The following ALDH3A2 variants were observed in gnomAD, a reference collection of about 807,000 sequenced individuals.
The protein encoded by ALDH3A2 is aldehyde dehydrogenase family 3 member A2.
ALDH3A2 carries 36 observed loss-of-function variants against 51.3 expected under a neutral mutation model. The ratio of observed to expected loss-of-function variants is 0.70; its 90% CI spans 0.54 to 0.93. The LOEUF is 0.93. Among genes scored for constraint, ALDH3A2 ranks in the 40% least tolerant of loss-of-function variants. The probability of loss-of-function intolerance (pLI) is 0.00; values close to 1 mark genes in which losing one functional copy is unlikely to be tolerated. For missense variants in ALDH3A2, 552 were observed against 603.1 expected (o/e 0.92, Z 0.89); for synonymous variants, 199 against 219.8 (o/e 0.91, Z 0.84).
At position 19,652,620 on chromosome 17, in the gene ALDH3A2, G is replaced by T; in HGVS notation, c.459G>T (p.Gln153His). The change falls in exon 3 of 10, where the codon CAG becomes CAT. Residue 153 changes from glutamine to histidine, a missense_variant. Transcript: ENST00000176643. ...TAKILAKLLP[Q>H]YLDQDLYIVI... ...AGATCTTGGCAAAGCTTCTCCCTCA[G>T]TATTTAGACCAGGTAAGAATTTCTT... 6.2e-7 allele frequency: 1 copy of T among 1,612,966 alleles called. No homozygotes were observed.
Position 19,654,797 on chromosome 17 carries a change from C to T in ALDH3A2, c.472-1569C>T, listed in dbSNP as rs558166123. ...GCTGTGGGCTGAAGGGCTCCTCAAGCGTGGCGAGAGTGGGTGCCAAGGCCA... is the reference window on the plus strand; with the variant it reads ...GCTGTGGGCTGAAGGGCTCCTCAAGTGTGGCGAGAGTGGGTGCCAAGGCCA... On this transcript the variant is annotated intron_variant, in intron 3 of 9. Coordinates refer to ENST00000176643, the MANE Select transcript of ALDH3A2 (RefSeq NM_000382.3). This position sits in a 1 kb window ranked among gnomAD's most constrained non-coding sequence, Gnocchi z 4.5. Among the ~76,000 whole-genome samples the T allele has an allele frequency of 2.0e-5, 3 of 152,148 alleles. No individual in the cohort carries two copies. The highest frequency in any genetic ancestry group is 4.8e-5 in the African/African-American group (2 of 41,446).
intron 1 of ALDH3A2, among the ~76,000 whole-genome samples, chr17:19,651,211 A>G (rs1275819596): frequency 6.6e-6 from 1 of 152,228 alleles, no homozygotes; most frequent in Admixed American, 6.5e-5. Context: ...TGTTCAGAGC[A>G]GACCTTTATT....
At position 19,654,742 on chromosome 17, in the gene ALDH3A2, G is replaced by C. The variant is rs1164348930; in HGVS notation, c.472-1624G>C. On this transcript the variant is annotated intron_variant, in intron 3 of 9. Coordinates refer to ENST00000176643, the MANE Select transcript of ALDH3A2 (RefSeq NM_000382.3). This position sits in a 1 kb window ranked among gnomAD's most constrained non-coding sequence, Gnocchi z 4.5. Reference sequence around the variant, plus strand: ...GCAGAAGGAGCCGGCTCCAGCCTTGGCCAGCCCAGAGAGGGGCTCCCACAG... The same window carrying C: ...GCAGAAGGAGCCGGCTCCAGCCTTGCCCAGCCCAGAGAGGGGCTCCCACAG... 1.3e-5 allele frequency among the ~76,000 whole-genome samples: 2 copies of C among 152,028 alleles called. No homozygotes were observed. The highest frequency in any genetic ancestry group is 2.9e-5 in the Non-Finnish European group (2 of 67,994).
chr17:19,657,681 G>T (rs746412664), intron 4 of ALDH3A2, 64 bp from the exon 5 acceptor site: 1 of 1,200,188 alleles, frequency 8.3e-7, no homozygotes, highest in Non-Finnish European at 1.2e-6. Context: ...ACAACACAAT[G>T]TAACAAATGA....
chr17:19,669,003 A>C, intron 8 of ALDH3A2, among the ~76,000 whole-genome samples: 1 of 149,760 alleles, frequency 6.7e-6, no homozygotes. Flanking sequence ...CTTTCCATTT[A>C]ACCATGGAGT....
intron 1 of ALDH3A2, chr17:19,650,015 G>GA (rs1567596103): frequency 6.6e-6 from 1 of 152,490 alleles, no homozygotes; most frequent in Non-Finnish European, 1.5e-5. Context: ...GGGTTCAAGC[G>GA]ATTCTCTTGC....
Position 19,652,638 on chromosome 17 carries a change from A to T in ALDH3A2, c.471+6A>T, listed in dbSNP as rs918700042. 1 of 1,605,702 alleles carries T rather than the reference A, an allele frequency of 6.2e-7. No homozygotes were observed. The highest frequency in any genetic ancestry group is 1.7e-5 in the Admixed American group (1 of 60,016). On this transcript the variant is annotated splice_donor_region_variant and intron_variant, in intron 3 of 9. Transcript: ENST00000176643. ...TCCCTCAGTATTTAGACCAGGTAAGAATTTCTTGACTCATCTCCAACATAT... is the reference window on the plus strand; with the variant it reads ...TCCCTCAGTATTTAGACCAGGTAAGTATTTCTTGACTCATCTCCAACATAT...
chr17:19,669,769 G>A (rs975821950), intron 8 of ALDH3A2, among the ~76,000 whole-genome samples: 1 of 151,924 alleles, frequency 6.6e-6, no homozygotes, highest in Non-Finnish European at 1.5e-5. Context: ...TGAATAGCTG[G>A]GATTACAAGG....
In ALDH3A2 at chr17:19,653,674, C is replaced by T. The variant is rs567360712; in HGVS notation, c.471+1042C>T. On this transcript the variant is annotated intron_variant, in intron 3 of 9. Transcript: ENST00000176643. ...CTGCAGACCTTCGCAGTGAGTGTTA[C>T]AGCTCATAACGGCAGTGCGGACCCA... Among the ~76,000 whole-genome samples the T allele has an allele frequency of 8.9e-4, 135 of 152,306 alleles. 4 individuals carry two copies. In the South Asian group the frequency reaches 0.027, roughly 31 times the overall value.
At chr17:19,665,190 G>T in intron 8 of ALDH3A2, 143 bp downstream of exon 8, 1 of 759,646 alleles carries the variant, frequency 1.3e-6, no homozygotes, top group Non-Finnish European at 2.3e-6. Context: ...TGGTCACCCA[G>T]TTGACTGGTT....
chr17:19,663,261 G>GA, intron 6 of ALDH3A2, 72 bp from the exon 7 acceptor site: 2 of 1,550,744 alleles, frequency 1.3e-6, no homozygotes, highest in South Asian at 2.2e-5. Flanking sequence ...GTGACCCAAT[G>GA]AAAGAGATGT....
chr17:19,671,865 G>GA lies in ALDH3A2; in HGVS notation c.1356dup (p.Phe453IlefsTer52). ...AACAGCCAGTCAAAGGTGGATTGGG[G>GA]AAAATTTTTTCTCTTGAAACGGTTC... On this transcript the variant is annotated frameshift_variant, in exon 9 of 10. Coordinates refer to ENST00000176643, the MANE Select transcript of ALDH3A2 (RefSeq NM_000382.3). LOFTEE classifies it high-confidence loss of function. 6.2e-7 allele frequency: 1 copy of GA among 1,614,198 alleles called. No homozygotes were observed. The highest frequency in any genetic ancestry group is 1.3e-5 in the African/African-American group (1 of 75,054).
intron 5 of ALDH3A2, among the ~76,000 whole-genome samples, chr17:19,658,748 T>TAA: frequency 7.2e-6 from 1 of 138,852 alleles, no homozygotes; most frequent in African/African-American, 2.7e-5. Flanking sequence ...ACTCTGTCTT[T>TAA]AAAAAAAAAA....
intron 1 of ALDH3A2, 147 bp from the exon 2 acceptor site, chr17:19,651,400 G>A: frequency 1.4e-6 from 1 of 697,916 alleles, no homozygotes; most frequent in Non-Finnish European, 2.6e-6. Context: ...GGGCGTGAAG[G>A]GTGCAAAAGG....
In ALDH3A2 at chr17:19,651,744, C is replaced by T. The variant is rs755662043; in HGVS notation, c.351C>T (p.Leu117=). 3 of 1,614,090 alleles carry T rather than the reference C, an allele frequency of 1.9e-6. No individual in the cohort carries two copies. The highest frequency in any genetic ancestry group is 2.7e-5 in the African/African-American group (2 of 74,930). The change falls in exon 2 of 10, where the codon CTC becomes CTT. Residue 117 remains leucine, a synonymous_variant. Transcript: ENST00000176643. ...GAGCTTGGAATTACCCCTTCGTTCT[C>T]ACCATTCAGCCACTGATAGGAGCCA... The part of the protein sequence containing the change: ...IIGAWNYPFV[L]TIQPLIGAIA...
At position 19,666,093 on chromosome 17, in the gene ALDH3A2, A is replaced by G. The variant is rs556895394; in HGVS notation, c.1207+1046A>G. 2.6e-5 allele frequency among the ~76,000 whole-genome samples: 4 copies of G among 152,074 alleles called. No individual in the cohort carries two copies. The East Asian group carries it at 7.7e-4, about 29-fold the overall frequency. On this transcript the variant is annotated intron_variant, in intron 8 of 9. Transcript: ENST00000176643. ...CCAATTGGTAGGTATTGCCAGATCC[A>G]AATTGGAAATGGTGGTGGCTTGTAG...
At chr17:19,656,681 C>A (rs367669043) in intron 4 of ALDH3A2, 107 bp downstream of exon 4, 6 of 1,111,384 alleles carry the variant, frequency 5.4e-6, no homozygotes, top group African/African-American at 1.6e-5. Flanking sequence ...CTCCAAGATA[C>A]ATTATTAAGC....
At chr17:19,653,735 T>C (rs1037443862) in intron 3 of ALDH3A2, among the ~76,000 whole-genome samples, 2 of 152,196 alleles carry the variant, frequency 1.3e-5, no homozygotes, top group South Asian at 2.1e-4. Flanking sequence ...TTGCAAAGAC[T>C]GAAAGAACAA....
rs1414038965 is a variant in ALDH3A2 at position 19,648,803 on chromosome 17, C to A, written c.-169C>A. ...AGTGGGACTCAGCGGGCGTGGAGGT[C>A]GCGGCTGAGCGAGCGAGCCCTGGGC... On this transcript the variant is annotated 5_prime_UTR_variant, in exon 1 of 10. Coordinates refer to ENST00000176643, the MANE Select transcript of ALDH3A2 (RefSeq NM_000382.3). 4 of 919,000 alleles carry A rather than the reference C, an allele frequency of 4.4e-6. No homozygotes were observed. The African/African-American group carries it at 4.9e-5, about 11-fold the overall frequency. The allele number at this position is 919,000 out of a possible 1,614,324, so 56.9% of individuals were successfully genotyped here.
Sources: allele counts gnomAD v4.1 joint callset (sites outside exome capture counted in the v4.1 genomes callset), GRCh38; gene constraint gnomAD v4.1.1; non-coding constraint Gnocchi (gnomAD v3.1); transcripts MANE v1.5; gene names NCBI Gene and HGNC (gene_info 2026-07-23, HGNC 2026-07-21).